The following MYO5A variants were observed in gnomAD, a reference collection of about 807,000 sequenced individuals.
MYO5A encodes the protein unconventional myosin-Va.
MYO5A carries 98 observed loss-of-function variants against 249.7 expected under a neutral mutation model. That is an observed-to-expected ratio of 0.39 (90% CI 0.33 to 0.46). The LOEUF (loss-of-function observed/expected upper bound fraction) is 0.46, where lower values mean the gene tolerates loss of function less well. Ranked by LOEUF, MYO5A falls within the 20% of genes least tolerant of loss-of-function variation. The pLI, the probability that MYO5A is intolerant of heterozygous loss-of-function variation, is 0.98. For missense variants in MYO5A, 1,696 were observed against 2,308.8 expected (o/e 0.73, Z 5.44); for synonymous variants, 778 against 810.6 (o/e 0.96, Z 0.68).
intron 25 of MYO5A, among the ~76,000 whole-genome samples, chr15:52,357,351 A>G (rs1250265287): frequency 6.6e-6 from 1 of 151,950 alleles, no homozygotes; most frequent in Non-Finnish European, 1.5e-5. Flanking sequence ...TATACCTAAA[A>G]TATCACTTGG....
intron 20 of MYO5A, among the ~76,000 whole-genome samples, chr15:52,373,653 G>A (rs1451008638): frequency 2.6e-5 from 4 of 152,116 alleles, no homozygotes; most frequent in East Asian, 1.9e-4. Context: ...CAGTCACAGT[G>A]GGAGCCTGAG....
At position 52,336,735 on chromosome 15, in the gene MYO5A, A is replaced by G. The variant is rs530283473; in HGVS notation, c.4315-179T>C. On this transcript the variant is annotated intron_variant, in intron 33 of 41. Coordinates refer to ENST00000399233, the MANE Select transcript of MYO5A (RefSeq NM_001382347.1). ...GGGAAATGCAGCTACAATAAAAGCC[A>G]TATGTTAAAATATACAACGCAGTAA... Among the ~76,000 whole-genome samples the G allele has an allele frequency of 9.0e-4, 137 of 152,366 alleles. 2 individuals carry two copies. Among genetic ancestry groups the G allele is most frequent in the African/African-American group, 3.1e-3 (129 of 41,592 alleles).
At chr15:52,462,066 A>G (rs942688558) in intron 1 of MYO5A, among the ~76,000 whole-genome samples, 3 of 151,110 alleles carry the variant, frequency 2.0e-5, no homozygotes, top group African/African-American at 7.3e-5. Flanking sequence ...GATGGAGACC[A>G]TCCCAACTAA....
At chr15:52,373,238 C>T (rs182962519) in intron 20 of MYO5A, among the ~76,000 whole-genome samples, 5 of 152,136 alleles carry the variant, frequency 3.3e-5, no homozygotes, top group Admixed American at 1.3e-4. Context: ...AATTTGTTGT[C>T]GCTAAAGAGC....
chr15:52,515,356 C>CT (rs56170204), intron 1 of MYO5A, among the ~76,000 whole-genome samples: 7,969 of 151,782 alleles, frequency 0.053, 296 homozygotes, highest in Middle Eastern at 0.093. Flanking sequence ...GAAATGATAA[C>CT]TGATTAGGTG....
intron 31 of MYO5A, among the ~76,000 whole-genome samples, chr15:52,341,075 A>G (rs2039361890): frequency 6.6e-6 from 1 of 152,252 alleles, no homozygotes; most frequent in Non-Finnish European, 1.5e-5. Flanking sequence ...CAAAGACAGT[A>G]CACCTTTGCC....
At chr15:52,451,784 A>C (rs930886370) in intron 1 of MYO5A, among the ~76,000 whole-genome samples, 1 of 152,170 alleles carries the variant, frequency 6.6e-6, no homozygotes, top group Non-Finnish European at 1.5e-5. Flanking sequence ...TTAAGTTTTA[A>C]TATCCGTTAC....
At chr15:52,389,568 C>T (rs925140163) in intron 12 of MYO5A, among the ~76,000 whole-genome samples, 8 of 152,154 alleles carry the variant, frequency 5.3e-5, no homozygotes, top group Admixed American at 6.5e-5. Context: ...GAGACCTTCT[C>T]ATGGGCAACC....
rs3079001 is a variant in MYO5A at position 52,311,939 on chromosome 15, A to ATTTGTCAT, written c.*1756_*1757insATGACAAA. The ATTTGTCAT allele has an allele frequency of 1.3e-5, 2 of 152,520 alleles. No homozygotes were observed. Among genetic ancestry groups the ATTTGTCAT allele is most frequent in the Non-Finnish European group, 2.9e-5 (2 of 68,026 alleles). 9.4% of individuals were successfully genotyped at this position (152,520 alleles called of 1,614,324 possible). A position where few individuals can be genotyped will look rare whatever the true frequency, so the allele number is the denominator to read the frequency against. ...TAAATATTGCACATATTTTAATAAG[A>ATTTGTCAT]TTTATAGACCATCTAACAGTTAAAT... On this transcript the variant is annotated 3_prime_UTR_variant, in exon 42 of 42. Coordinates refer to ENST00000399233, the MANE Select transcript of MYO5A (RefSeq NM_001382347.1).
chr15:52,461,207 C>T (rs1380120004), intron 1 of MYO5A, among the ~76,000 whole-genome samples: 2 of 152,298 alleles, frequency 1.3e-5, no homozygotes, highest in Admixed American at 6.5e-5. Flanking sequence ...CCTACTTCAG[C>T]CTCCCAAAGT....
At chr15:52,392,680 C>A (rs1199675804) in intron 11 of MYO5A, among the ~76,000 whole-genome samples, 1 of 152,252 alleles carries the variant, frequency 6.6e-6, no homozygotes, top group Non-Finnish European at 1.5e-5. Context: ...TCCGATGAAG[C>A]CTTCAGCCAC....
intron 10 of MYO5A, among the ~76,000 whole-genome samples, chr15:52,396,683 C>A (rs1460611451): frequency 6.6e-6 from 1 of 152,068 alleles, no homozygotes; most frequent in African/African-American, 2.4e-5. Context: ...CTCATTCACC[C>A]CCAAGTGGGG....
intron 2 of MYO5A, 82 bp downstream of exon 2, chr15:52,433,093 G>T: frequency 1.9e-6 from 2 of 1,033,708 alleles, no homozygotes; most frequent in Non-Finnish European, 3.0e-6. Flanking sequence ...AACTTCCATT[G>T]GGAGTTTACT....
intron 1 of MYO5A, among the ~76,000 whole-genome samples, chr15:52,523,941 T>C (rs1268391126): frequency 1.5e-5 from 2 of 132,662 alleles, no homozygotes; most frequent in East Asian, 2.3e-4. Context: ...AATATTAGAA[T>C]TTCCAAGATC....
At chr15:52,320,505 C>T (rs1488907768) in intron 38 of MYO5A, among the ~76,000 whole-genome samples, 2 of 152,086 alleles carry the variant, frequency 1.3e-5, no homozygotes, top group African/African-American at 4.8e-5. Context: ...TTTTTGCCAA[C>T]CTAGGGTGCT....
At chr15:52,387,950 C>T (rs2042038983) in intron 13 of MYO5A, 38 bp from the exon 14 acceptor site, 1 of 1,365,130 alleles carries the variant, frequency 7.3e-7, no homozygotes, top group East Asian at 2.3e-5. Flanking sequence ...ACTGATAAAA[C>T]TTTTGAATAG....
At chr15:52,393,685 G>A (rs1368511383) in intron 11 of MYO5A, among the ~76,000 whole-genome samples, 9 of 152,124 alleles carry the variant, frequency 5.9e-5, no homozygotes, top group African/African-American at 9.7e-5. Flanking sequence ...GAGCCACCGC[G>A]CCTGGCCTCA....
chr15:52,340,472 A>T, intron 31 of MYO5A, 78 bp from the exon 32 acceptor site: 1 of 1,263,202 alleles, frequency 7.9e-7, no homozygotes, highest in Non-Finnish European at 1.1e-6. Flanking sequence ...CATCGTGTTC[A>T]CTTGCAAGAG....
chr15:52,343,011 G>T, intron 31 of MYO5A, 106 bp downstream of exon 31: 1 of 901,454 alleles, frequency 1.1e-6, no homozygotes, highest in Non-Finnish European at 1.8e-6. Context: ...ATTTACCCAA[G>T]AAGACAATCA....
Sources: gnomAD v4.1 joint callset for allele counts (sites outside exome capture counted in the v4.1 genomes callset) on GRCh38, gnomAD v4.1.1 for gene constraint, MANE v1.5 for transcripts, NCBI Gene and HGNC (gene_info 2026-07-23, HGNC 2026-07-21) for gene names.